Variants in XPR1 observed in about 807,000 individuals in gnomAD.
XPR1 encodes solute carrier family 53 member 1.
In XPR1, 28 loss-of-function variants were observed where a neutral mutation model predicts 87.5. The ratio of observed to expected loss-of-function variants is 0.32; its 90% CI spans 0.24 to 0.44. The LOEUF (loss-of-function observed/expected upper bound fraction) is 0.44. XPR1 is among the 20% of genes least tolerant of loss of function. The pLI, the probability that XPR1 is intolerant of heterozygous loss-of-function variation, is 1.00. For synonymous variants in XPR1, 300 were observed against 306.1 expected (o/e 0.98, Z 0.21); for missense variants, 559 against 862.3 (o/e 0.65, Z 4.41).
chr1:180,766,230 CA>C (rs1009159169), intron 2 of XPR1, among the ~76,000 whole-genome samples: 1 of 151,900 alleles, frequency 6.6e-6, no homozygotes. Flanking sequence ...TGCACATTTC[CA>C]AAAAAATGCA....
At chr1:180,679,329 G>C (rs1169490879) in intron 1 of XPR1, among the ~76,000 whole-genome samples, 1 of 152,158 alleles carries the variant, frequency 6.6e-6, no homozygotes, top group Non-Finnish European at 1.5e-5. Context: ...GGGGACATTC[G>C]GCAATGTTTA....
At chr1:180,697,092 TA>T (rs1215936710) in intron 2 of XPR1, among the ~76,000 whole-genome samples, 1 of 152,180 alleles carries the variant, frequency 6.6e-6, no homozygotes, top group East Asian at 1.9e-4. Context: ...GATTCAGCAG[TA>T]AAGCCATCCA....
chr1:180,778,652 G>T (rs1456139322), intron 2 of XPR1, among the ~76,000 whole-genome samples: 1 of 152,056 alleles, frequency 6.6e-6, no homozygotes, highest in East Asian at 1.9e-4. Flanking sequence ...AGTATCTCCA[G>T]ATATTGCCAA....
At chr1:180,636,967 G>A (rs200063081) in intron 1 of XPR1, among the ~76,000 whole-genome samples, 3 of 148,356 alleles carry the variant, frequency 2.0e-5, no homozygotes, top group African/African-American at 7.5e-5. Flanking sequence ...CAGGAGAATC[G>A]ATTGAACCGG....
chr1:180,689,152 T>C (rs926622395), intron 2 of XPR1, among the ~76,000 whole-genome samples: 1 of 152,130 alleles, frequency 6.6e-6, no homozygotes, highest in Non-Finnish European at 1.5e-5. Flanking sequence ...TAAAAGATAA[T>C]TTTGCTTAAC....
intron 1 of XPR1, among the ~76,000 whole-genome samples, chr1:180,665,230 C>G (rs1655917140): frequency 6.6e-6 from 1 of 152,176 alleles, no homozygotes; most frequent in African/African-American, 2.4e-5. Flanking sequence ...AACCATCAGA[C>G]CTCATGAGAC....
At chr1:180,659,368 C>T (rs1244157528) in intron 1 of XPR1, among the ~76,000 whole-genome samples, 4 of 106,714 alleles carry the variant, frequency 3.7e-5, no homozygotes, top group Admixed American at 1.0e-4. Flanking sequence ...TCCGTCCTTC[C>T]GTCCGTCCTT....
At chr1:180,819,656 C>T (rs569699994) in intron 7 of XPR1, among the ~76,000 whole-genome samples, 2 of 152,158 alleles carry the variant, frequency 1.3e-5, no homozygotes, top group Non-Finnish European at 2.9e-5. Context: ...CAGATATTAA[C>T]TAGACAGAAT....
chr1:180,709,245 G>A (rs1657671790), intron 2 of XPR1, among the ~76,000 whole-genome samples: 1 of 152,210 alleles, frequency 6.6e-6, no homozygotes, highest in African/African-American at 2.4e-5. Context: ...AAGAAAAGCA[G>A]CTTTTATCTC....
intron 3 of XPR1, among the ~76,000 whole-genome samples, chr1:180,790,549 C>A (rs1649332184): frequency 6.6e-6 from 1 of 151,762 alleles, no homozygotes; most frequent in African/African-American, 2.4e-5. Flanking sequence ...TATACATTTT[C>A]TTTTTTTTGA....
chr1:180,841,494 C>T (rs1028743730), intron 11 of XPR1, among the ~76,000 whole-genome samples: 6 of 152,006 alleles, frequency 3.9e-5, no homozygotes, highest in African/African-American at 1.2e-4. Flanking sequence ...CCCTTAGACT[C>T]TTAACATGCT....
chr1:180,878,719 T>G (rs944022526), intron 13 of XPR1, among the ~76,000 whole-genome samples: 32 of 152,324 alleles, frequency 2.1e-4, no homozygotes, highest in Admixed American at 2.0e-3. Flanking sequence ...TAAATCCCCT[T>G]GTCAGTTCTC....
At position 180,883,707 on chromosome 1, in the gene XPR1, C is replaced by CAA. The variant is rs35119730; in HGVS notation, c.2031-283_2031-282dup. ...CTGGCGACAGAGCGAGACTCTGTCTCAAAAAAAAAAAAAAAAATCAAAGTC... is the reference window on the plus strand; with the variant it reads ...CTGGCGACAGAGCGAGACTCTGTCTCAAAAAAAAAAAAAAAAAAATCAAAGTC... On this transcript the variant is annotated intron_variant, in intron 14 of 14. Coordinates refer to ENST00000367590, the MANE Select transcript of XPR1 (RefSeq NM_004736.4). 2.6e-3 allele frequency among the ~76,000 whole-genome samples: 341 copies of CAA among 132,828 alleles called. 2 individuals are homozygous for CAA. Among genetic ancestry groups the CAA allele is most frequent in the East Asian group, 4.0e-3 (18 of 4,546 alleles). The allele number at this position is 132,828 out of a possible 152,430, so 87.1% of individuals were successfully genotyped here. A position where few individuals can be genotyped will look rare whatever the true frequency, so the allele number is the denominator to read the frequency against.
At chr1:180,818,635 G>T (rs1029864224) in intron 7 of XPR1, among the ~76,000 whole-genome samples, 1 of 152,170 alleles carries the variant, frequency 6.6e-6, no homozygotes, top group African/African-American at 2.4e-5. Flanking sequence ...TGGGAAGTTT[G>T]TGATGGGACC....
chr1:180,787,278 T>C (rs538301347), intron 2 of XPR1, among the ~76,000 whole-genome samples: 474 of 135,138 alleles, frequency 3.5e-3, no homozygotes, highest in African/African-American at 0.013. Context: ...TACAAAGAGG[T>C]TTTTTTTGTT....
At chr1:180,771,665 G>A (rs1162403544) in intron 2 of XPR1, among the ~76,000 whole-genome samples, 1 of 152,096 alleles carries the variant, frequency 6.6e-6, no homozygotes, top group Non-Finnish European at 1.5e-5. Context: ...ATTGTGCTTT[G>A]ATAATTGATT....
chr1:180,707,430 C>G (rs1365321717), intron 2 of XPR1, among the ~76,000 whole-genome samples: 1 of 152,156 alleles, frequency 6.6e-6, no homozygotes, highest in East Asian at 1.9e-4. Context: ...AGTGAGAACA[C>G]AAATAGAATG....
intron 2 of XPR1, among the ~76,000 whole-genome samples, chr1:180,719,177 CAT>C (rs2101994802): frequency 6.6e-6 from 1 of 152,184 alleles, no homozygotes; most frequent in South Asian, 2.1e-4. Context: ...AATGTACAGA[CAT>C]AGATTTATTG....
chr1:180,879,882 CAT>C (rs1317207021), intron 13 of XPR1, among the ~76,000 whole-genome samples, 192 bp from the exon 14 acceptor site: 5 of 152,022 alleles, frequency 3.3e-5, no homozygotes, highest in African/African-American at 1.2e-4. Flanking sequence ...CTCCCTTTTT[CAT>C]AGTCTAGTCT....
Sources: allele counts gnomAD v4.1 joint callset (sites outside exome capture counted in the v4.1 genomes callset), GRCh38; gene constraint gnomAD v4.1.1; transcripts MANE v1.5; gene names NCBI Gene and HGNC (gene_info 2026-07-23, HGNC 2026-07-21).